Variants in COL22A1 observed in about 807,000 individuals in gnomAD.
COL22A1 encodes collagen alpha-1(XXII) chain.
In COL22A1, 221 loss-of-function variants were observed where a neutral mutation model predicts 248.9. The observed-to-expected ratio is 0.89, with a 90% CI of 0.80 to 0.99. The LOEUF is 0.99. Among genes scored for constraint, COL22A1 ranks in the 50% least tolerant of loss-of-function variants. The pLI, the probability that COL22A1 is intolerant of heterozygous loss-of-function variation, is 0.00. For synonymous variants in COL22A1, 891 were observed against 793.4 expected (o/e 1.12, Z -2.07); for missense variants, 2,240 against 2,179.0 (o/e 1.03, Z -0.56).
intron 12 of COL22A1, among the ~76,000 whole-genome samples, chr8:138,783,635 G>A (rs1473725875): frequency 9.9e-5 from 15 of 152,124 alleles, no homozygotes; most frequent in Admixed American, 5.9e-4. Flanking sequence ...ACACACCCAG[G>A]ATCAATACTT....
At position 138,593,419 on chromosome 8, in the gene COL22A1, A is replaced by G. The variant is rs1369292403; in HGVS notation, c.4615+598T>C. On this transcript the variant is annotated intron_variant, in intron 63 of 64. Transcript: ENST00000303045. ...AAAAAAAACCTTTTGTTAAAAAAAA[A>G]GTTTTTAAATTTATTTTTTAATCCT... Among the ~76,000 whole-genome samples, 4 of 152,210 alleles carry G rather than the reference A, an allele frequency of 2.6e-5. No homozygotes were observed. The East Asian group carries it at 7.7e-4, about 29-fold the overall frequency.
At chr8:138,807,437 C>G (rs1283463971) in intron 10 of COL22A1, among the ~76,000 whole-genome samples, 2 of 152,188 alleles carry the variant, frequency 1.3e-5, no homozygotes, top group Non-Finnish European at 2.9e-5. Flanking sequence ...CTAAAAGTTT[C>G]TGGAATACAG....
chr8:138,689,379 G>T (rs959664655), intron 36 of COL22A1, among the ~76,000 whole-genome samples: 8 of 152,172 alleles, frequency 5.3e-5, no homozygotes, highest in African/African-American at 1.9e-4. Context: ...TTGACTTTGA[G>T]ACATGGTTTA....
chr8:138,661,994 GC>G, intron 43 of COL22A1, 35 bp downstream of exon 43: 2 of 1,572,300 alleles, frequency 1.3e-6, no homozygotes, highest in Non-Finnish European at 1.7e-6. Context: ...TCATGTAAGG[GC>G]CTTCACTGAG....
intron 59 of COL22A1, among the ~76,000 whole-genome samples, chr8:138,603,842 C>T (rs566863148): frequency 2.0e-5 from 3 of 152,292 alleles, no homozygotes; most frequent in Non-Finnish European, 2.9e-5. Flanking sequence ...GGTAAAAATG[C>T]GTCTTCCTCA....
chr8:138,836,128 A>T (rs1011834249), intron 4 of COL22A1, among the ~76,000 whole-genome samples: 1 of 152,126 alleles, frequency 6.6e-6, no homozygotes, highest in African/African-American at 2.4e-5. Context: ...AAAATTAGCC[A>T]GGGGTGGTAG....
rs201986505 is a variant in COL22A1 at position 138,626,199 on chromosome 8, G to A, written c.3708C>T (p.Pro1236=). ...TATAAAAGCCACTTACTGGGATTCC[G>A]GGTAATCCAGATGGGCCTTGGGGGC... ...PPGPQGPSGL[P]GIPGEEGKEG... The change falls in exon 51 of 65, where the codon CCC becomes CCT. Residue 1236 remains proline (P), a synonymous_variant. Coordinates refer to ENST00000303045, the MANE Select transcript of COL22A1 (RefSeq NM_152888.3). 16 of 1,601,628 alleles carry A rather than the reference G, an allele frequency of 1.0e-5. No homozygotes were observed. Among genetic ancestry groups the A allele is most frequent in the Admixed American group, 1.7e-5 (1 of 57,194 alleles).
intron 45 of COL22A1, 92 bp from the exon 46 acceptor site, chr8:138,649,870 C>T (rs1822544946): frequency 1.4e-6 from 1 of 725,048 alleles, no homozygotes; most frequent in Non-Finnish European, 2.2e-6. Flanking sequence ...GCTATCTCTC[C>T]AGATGGAGAT....
At chr8:138,804,603 C>A (rs1817302904) in intron 10 of COL22A1, among the ~76,000 whole-genome samples, 1 of 152,214 alleles carries the variant, frequency 6.6e-6, no homozygotes, top group African/African-American at 2.4e-5. Context: ...CCCCTGCCAT[C>A]CTCCTCACAG....
chr8:138,864,929 A>G (rs149842515), intron 3 of COL22A1, among the ~76,000 whole-genome samples: 92 of 152,246 alleles, frequency 6.0e-4, no homozygotes, highest in African/African-American at 2.2e-3. Flanking sequence ...GGGAGCCAGA[A>G]CTCACCTGCA....
At chr8:138,804,199 G>A (rs1817257246) in intron 10 of COL22A1, among the ~76,000 whole-genome samples, 1 of 152,148 alleles carries the variant, frequency 6.6e-6, no homozygotes, top group South Asian at 2.1e-4. Context: ...CTCAGCCTAT[G>A]CATGTGGACA....
chr8:138,615,288 T>C (rs553721313), intron 55 of COL22A1, among the ~76,000 whole-genome samples: 1 of 152,290 alleles, frequency 6.6e-6, no homozygotes, highest in East Asian at 1.9e-4. Context: ...CCTAACCCTT[T>C]GGGAGACCGA....
intron 49 of COL22A1, among the ~76,000 whole-genome samples, chr8:138,632,676 A>G (rs999665818): frequency 6.6e-6 from 1 of 152,096 alleles, no homozygotes; most frequent in Non-Finnish European, 1.5e-5. Flanking sequence ...ACTGTAGAAG[A>G]CCTGTCTTAT....
Position 138,703,218 on chromosome 8 carries a change from A to C in COL22A1, c.2559+88T>G, listed in dbSNP as rs756671795. ...CAAACTCCAATAGGGGAGATATTTA[A>C]AACTAAGTAGTGGCAGTTGCTGGAG... is the stretch of plus-strand genomic sequence containing the variant. On this transcript the variant is annotated intron_variant, in intron 31 of 64. Transcript: ENST00000303045. 182 of 1,233,340 alleles carry C rather than the reference A, an allele frequency of 1.5e-4. 1 individual carries two copies. Among genetic ancestry groups the C allele is most frequent in the Admixed American group, 9.2e-4 (54 of 58,768 alleles). The allele number at this position is 1,233,340 out of a possible 1,614,324, so 76.4% of individuals were successfully genotyped here.
intron 3 of COL22A1, among the ~76,000 whole-genome samples, chr8:138,873,996 C>A (rs1268343557): frequency 6.6e-6 from 1 of 152,266 alleles, no homozygotes; most frequent in Non-Finnish European, 1.5e-5. Context: ...AAGTCCCCCA[C>A]AGGCATCCTC....
chr8:138,688,726 C>T (rs1220951228), intron 37 of COL22A1, among the ~76,000 whole-genome samples, 191 bp downstream of exon 37: 1 of 152,036 alleles, frequency 6.6e-6, no homozygotes, highest in Admixed American at 6.6e-5. Context: ...GGGCACTTGT[C>T]TGATTCTCAG....
At chr8:138,766,964 G>A (rs549148047) in intron 16 of COL22A1, among the ~76,000 whole-genome samples, 1 of 152,318 alleles carries the variant, frequency 6.6e-6, no homozygotes, top group South Asian at 2.1e-4. Context: ...TGCAGACTGA[G>A]AGTGAGACCC....
At chr8:138,636,480 AGAAAGGAAAGGAAAG>A (rs758849864) in intron 48 of COL22A1, among the ~76,000 whole-genome samples, 26 of 46,564 alleles carry the variant, frequency 5.6e-4, no homozygotes, top group African/African-American at 1.5e-3. Flanking sequence ...AAGAGAAGGA[AGAAAGGAAAGGAAAG>A]GAAAGGAAAG....
chr8:138,634,598 C>G (rs1195781654), intron 49 of COL22A1, among the ~76,000 whole-genome samples: 1 of 152,036 alleles, frequency 6.6e-6, no homozygotes, highest in Non-Finnish European at 1.5e-5. Flanking sequence ...GCTCAGGGGG[C>G]CCAGTGGAGA....
Sources: gnomAD v4.1 joint callset for allele counts (sites outside exome capture counted in the v4.1 genomes callset) on GRCh38, gnomAD v4.1.1 for gene constraint, MANE v1.5 for transcripts, NCBI Gene and HGNC (gene_info 2026-07-23, HGNC 2026-07-21) for gene names.